The following EP400 variants were observed in gnomAD, a reference collection of about 807,000 sequenced individuals.
The protein encoded by EP400 is E1A binding protein p400, also known as E1A-binding protein p400.
Under a neutral mutation model 354.1 loss-of-function variants are expected in EP400, and 105 were observed. The ratio of observed to expected loss-of-function variants is 0.30; its 90% CI spans 0.25 to 0.35. The LOEUF is 0.35. EP400 is among the 10% of genes least tolerant of loss of function. The probability of loss-of-function intolerance (pLI) is 1.00; values close to 1 mark genes in which losing one functional copy is unlikely to be tolerated. For synonymous variants in EP400, 1,646 were observed against 1,716.9 expected, an observed-to-expected ratio of 0.96 and a Z score of 1.02; for missense variants, 3,280 against 4,121.0, an observed-to-expected ratio of 0.80 and a Z score of 5.59.
chr12:132,065,903 G>A (rs189452879), intron 48 of EP400: 20 of 152,320 alleles, frequency 1.3e-4, no homozygotes, highest in Admixed American at 2.6e-4. Context: ...TGGTAATTAC[G>A]CTATGAAAAT....
In EP400 at chr12:131,961,437, A is replaced by G; in HGVS notation, c.818A>G (p.Gln273Arg). 6.7e-7 allele frequency: 1 copy of G among 1,482,298 alleles called. No homozygotes were observed. Among genetic ancestry groups the G allele is most frequent in the Non-Finnish European group, 9.2e-7 (1 of 1,087,506 alleles). The allele number at this position is 1,482,298 out of a possible 1,614,324, so 91.8% of individuals were successfully genotyped here. A position where few individuals can be genotyped will look rare whatever the true frequency, so the allele number is the denominator to read the frequency against. Residue 273 changes from glutamine (Q) to arginine (R), a missense_variant, in exon 2 of 53, where the codon CAG becomes CGG. Around this residue, in one of 20 missense-constraint regions of EP400, gnomAD observed 85 missense variants for 180.3 expected, o/e 0.47. Transcript: ENST00000389561. Reference protein sequence around the residue: ...NLPPQISSIIQGQLVQQQQVL... With the variant: ...NLPPQISSIIRGQLVQQQQVL... Reference sequence around the variant, plus strand: ...CCACCGCAGATCAGCAGCATCATCCAGGGCCAGCTGGTTCAGCAGCAGCAG... The same window carrying G: ...CCACCGCAGATCAGCAGCATCATCCGGGGCCAGCTGGTTCAGCAGCAGCAG...
In EP400 at chr12:131,957,681, C is replaced by T. The variant is rs187937703; in HGVS notation, c.-35-2904C>T. 9.9e-4 allele frequency among the ~76,000 whole-genome samples: 151 copies of T among 151,804 alleles called. 1 individual carries two copies. Among genetic ancestry groups the T allele is most frequent in the Non-Finnish European group, 1.7e-3 (113 of 67,942 alleles). ...CTCAGTCTCGGCTCACTGCAACCTC[C>T]GCCTCTCAGGTTCAAGCGATTCTTC... On this transcript the variant is annotated intron_variant, in intron 1 of 52. Transcript: ENST00000389561.
At chr12:132,039,062 C>T (rs1458134732) in intron 32 of EP400, among the ~76,000 whole-genome samples, 2 of 152,094 alleles carry the variant, frequency 1.3e-5, no homozygotes, top group African/African-American at 4.8e-5. Flanking sequence ...ACCTGTCCGC[C>T]GACACCCGAG....
Position 131,994,116 on chromosome 12 carries a change from C to T in EP400, c.2738-751C>T, listed in dbSNP as rs991335682. On this transcript the variant is annotated intron_variant, in intron 11 of 52. Coordinates refer to ENST00000389561, the MANE Select transcript of EP400 (RefSeq NM_015409.5). The surrounding 1 kb of genome is among the most constrained non-coding windows in gnomAD (Gnocchi z 4.6). ...TCGAGTACAGTCAGGAAAGGCAGCACCTGGAGGCCCAGCGACTTGTGTGGT... is the reference window on the plus strand; with the variant it reads ...TCGAGTACAGTCAGGAAAGGCAGCATCTGGAGGCCCAGCGACTTGTGTGGT... 6.6e-5 allele frequency among the ~76,000 whole-genome samples: 10 copies of T among 152,032 alleles called. No homozygotes were observed. Among genetic ancestry groups the T allele is most frequent in the Admixed American group, 1.3e-4 (2 of 15,252 alleles).
chr12:131,996,890 G>A (rs1386982131), intron 12 of EP400, among the ~76,000 whole-genome samples: 1 of 152,268 alleles, frequency 6.6e-6, no homozygotes, highest in African/African-American at 2.4e-5. Context: ...CTGTGTTGCA[G>A]TGACATTTTC....
At chr12:132,005,863 A>G (rs1219017163) in intron 13 of EP400, among the ~76,000 whole-genome samples, 1 of 152,218 alleles carries the variant, frequency 6.6e-6, no homozygotes. Flanking sequence ...AAAATGCCAG[A>G]CTATTTGGGG....
In EP400 at chr12:131,960,700, G is replaced by A; in HGVS notation, c.81G>A (p.Glu27=). Residue 27 remains glutamate (E), a synonymous_variant, in exon 2 of 53, where the codon GAG becomes GAA. Coordinates refer to ENST00000389561, the MANE Select transcript of EP400 (RefSeq NM_015409.5). ...CCTGCCCTGGCAGCGAGGGTGAGGAGCAGCCGGCCCACCCCAACCCACCCC... is the reference window on the plus strand; with the variant it reads ...CCTGCCCTGGCAGCGAGGGTGAGGAACAGCCGGCCCACCCCAACCCACCCC... The part of the protein sequence containing the change: ...SRACPGSEGE[E]QPAHPNPPPS... The A allele has an allele frequency of 2.6e-6, 4 of 1,564,644 alleles. No homozygotes were observed. The highest frequency in any genetic ancestry group is 2.6e-6 in the Non-Finnish European group (3 of 1,156,438).
intron 5 of EP400, among the ~76,000 whole-genome samples, chr12:131,984,443 A>G (rs2136495040): frequency 6.6e-6 from 1 of 152,296 alleles, no homozygotes; most frequent in South Asian, 2.1e-4. Flanking sequence ...GGGGGGCTGT[A>G]GTTGGGAGCC....
intron 12 of EP400, among the ~76,000 whole-genome samples, chr12:131,999,654 G>A (rs1893341375): frequency 6.6e-6 from 1 of 152,038 alleles, no homozygotes; most frequent in African/African-American, 2.4e-5. Context: ...GCCCAGGCTG[G>A]TCTCCAACTC....
At chr12:131,992,760 G>A (rs970992982) in intron 11 of EP400, among the ~76,000 whole-genome samples, 7 of 152,186 alleles carry the variant, frequency 4.6e-5, no homozygotes, top group Non-Finnish European at 8.8e-5. Context: ...GAGACAGAGT[G>A]GGGAGCAGGA....
intron 32 of EP400, among the ~76,000 whole-genome samples, chr12:132,039,146 T>C (rs1029027371): frequency 1.3e-5 from 2 of 152,210 alleles, no homozygotes; most frequent in African/African-American, 4.8e-5. Flanking sequence ...ACTCTGGTGC[T>C]GTCTCCTCTT....
chr12:131,983,933 C>A (rs1204978517), intron 5 of EP400, among the ~76,000 whole-genome samples: 1 of 151,764 alleles, frequency 6.6e-6, no homozygotes, highest in East Asian at 1.9e-4. Context: ...CGGAGTTTCG[C>A]TCTTGTTACC....
chr12:131,966,050 A>G (rs1892065416), intron 2 of EP400, among the ~76,000 whole-genome samples: 1 of 152,126 alleles, frequency 6.6e-6, no homozygotes, highest in Non-Finnish European at 1.5e-5. Context: ...AAAAAAAAAA[A>G]AAAGAAAAAC....
At position 132,018,677 on chromosome 12, in the gene EP400, G is replaced by A. The variant is rs1950536072; in HGVS notation, c.4277+301G>A. The stretch of plus-strand genomic sequence containing the variant: ...CTGGTGCCTCGTGTGGTGGAGGCTG[G>A]TGTGGCCGAACCACACATGTGTCGT... On this transcript the variant is annotated intron_variant, in intron 21 of 52. Coordinates refer to ENST00000389561, the MANE Select transcript of EP400 (RefSeq NM_015409.5). The surrounding 1 kb of genome is among the most constrained non-coding windows in gnomAD (Gnocchi z 4.0). Among the ~76,000 whole-genome samples the A allele has an allele frequency of 6.6e-6, 1 of 152,188 alleles. No homozygotes were observed. Among genetic ancestry groups the A allele is most frequent in the African/African-American group, 2.4e-5 (1 of 41,434 alleles).
intron 32 of EP400, among the ~76,000 whole-genome samples, chr12:132,039,894 T>C (rs1894840590): frequency 6.6e-6 from 1 of 152,094 alleles, no homozygotes; most frequent in Non-Finnish European, 1.5e-5. Flanking sequence ...TTTTGAAAAC[T>C]AGGAGTGTGG....
In EP400 at chr12:132,062,268, C is replaced by T. The variant is rs776663802; in HGVS notation, c.8043C>T (p.Thr2681=). The T allele has an allele frequency of 2.5e-6, 4 of 1,614,094 alleles. No individual in the cohort carries two copies. The highest frequency in any genetic ancestry group is 2.7e-5 in the African/African-American group (2 of 74,946). The change falls in exon 46 of 53, where the codon ACC becomes ACT. Residue 2681 remains threonine, a synonymous_variant. Coordinates refer to ENST00000389561, the MANE Select transcript of EP400 (RefSeq NM_015409.5). ...TGACAGCCTCGGCCGTGGTCACTACCAACCTGACCCCAGTGCAGACCCCGG... is the reference window on the plus strand; with the variant it reads ...TGACAGCCTCGGCCGTGGTCACTACTAACCTGACCCCAGTGCAGACCCCGG... ...TSVTASAVVT[T]NLTPVQTPAR...
At chr12:132,056,596 G>C (rs1442064752) in intron 45 of EP400, among the ~76,000 whole-genome samples, 1 of 152,168 alleles carries the variant, frequency 6.6e-6, no homozygotes, top group Non-Finnish European at 1.5e-5. Flanking sequence ...GGCACTCCAG[G>C]TGGATCACAG....
At chr12:131,989,738 G>C (rs746489591) in intron 7 of EP400, among the ~76,000 whole-genome samples, 12 of 152,108 alleles carry the variant, frequency 7.9e-5, no homozygotes, top group Non-Finnish European at 1.3e-4. Flanking sequence ...ATGTGTATTT[G>C]GTGAAAAGTA....
intron 2 of EP400, chr12:131,963,780 T>G: frequency 1.6e-6 from 1 of 623,018 alleles, no homozygotes; most frequent in Non-Finnish European, 2.8e-6. Context: ...GTAAAAAATC[T>G]TCCTGCGTAT....
Sources: allele counts gnomAD v4.1 joint callset (sites outside exome capture counted in the v4.1 genomes callset), GRCh38; gene constraint gnomAD v4.1.1; regional missense constraint gnomAD v4.1.1; non-coding constraint Gnocchi (gnomAD v3.1); transcripts MANE v1.5; gene names NCBI Gene and HGNC (gene_info 2026-07-23, HGNC 2026-07-21).